Variants in ZNF385D observed in about 807,000 individuals in gnomAD.
ZNF385D encodes the protein zinc finger protein 385D.
A neutral mutation model predicts 35.8 loss-of-function variants in ZNF385D; 15 were observed. The observed-to-expected ratio is 0.42, with a 90% CI of 0.28 to 0.64. The LOEUF (loss-of-function observed/expected upper bound fraction) is 0.64. Among genes scored for constraint, ZNF385D ranks in the 30% least tolerant of loss-of-function variants. The pLI is 0.23. For missense variants in ZNF385D, 474 were observed against 494.6 expected (o/e 0.96, Z 0.39); for synonymous variants, 212 against 186.8 (o/e 1.13, Z -1.10).
chr3:21,953,300 A>G (rs630299), intron 3 of ZNF385D, among the ~76,000 whole-genome samples: 89,360 of 151,430 alleles, frequency 0.59, 26,876 homozygotes, highest in South Asian at 0.74. Context: ...ATCAAGCTCA[A>G]TAGGTAATTA....
intron 3 of ZNF385D, among the ~76,000 whole-genome samples, chr3:21,793,079 T>A (rs992900474): frequency 1.3e-5 from 2 of 152,194 alleles, no homozygotes; most frequent in Admixed American, 6.5e-5. Context: ...CTAAATGAGA[T>A]AATTTGTGAA....
rs1575111069 is a variant in ZNF385D, at chr3:21,419,069, T to C, written c.*2145A>G. The C allele has an allele frequency of 2.0e-5, 3 of 152,346 alleles. No homozygotes were observed. In the South Asian group the frequency reaches 6.2e-4, roughly 32 times the overall value. 9.4% of individuals were successfully genotyped at this position (152,346 alleles called of 1,614,324 possible). On this transcript the variant is annotated 3_prime_UTR_variant, in exon 8 of 8. Coordinates refer to ENST00000281523, the MANE Select transcript of ZNF385D (RefSeq NM_024697.3). ...AAATTTTAATGCTAATCAATATATTTAACCAGAGAAGCATGGTTTGAAATT... is the reference window on the plus strand; with the variant it reads ...AAATTTTAATGCTAATCAATATATTCAACCAGAGAAGCATGGTTTGAAATT...
rs141099517 is a variant in ZNF385D, at chr3:21,532,205, G to T, written c.277-21182C>A. On this transcript the variant is annotated intron_variant, in intron 3 of 7. Transcript: ENST00000281523. ...CCACGAGGGAAGGTTTAGAATTAGGGGAGGAAGAGCAAAAAGATGGGGAGC... is the reference window on the plus strand; with the variant it reads ...CCACGAGGGAAGGTTTAGAATTAGGTGAGGAAGAGCAAAAAGATGGGGAGC... Among the ~76,000 whole-genome samples the T allele has an allele frequency of 2.0e-5, 3 of 152,248 alleles. No individual in the cohort carries two copies. The East Asian group carries it at 5.8e-4, about 29-fold the overall frequency.
At chr3:22,043,121 T>C (rs1330396936) in intron 3 of ZNF385D, among the ~76,000 whole-genome samples, 1 of 152,138 alleles carries the variant, frequency 6.6e-6, no homozygotes, top group East Asian at 1.9e-4. Flanking sequence ...AGTCATTTGG[T>C]TTACAAACAA....
chr3:21,507,809 T>G (rs1214976664), intron 4 of ZNF385D, among the ~76,000 whole-genome samples: 2 of 152,164 alleles, frequency 1.3e-5, no homozygotes, highest in Non-Finnish European at 2.9e-5. Flanking sequence ...AACATGTAAT[T>G]GCTTTAAGAA....
intron 2 of ZNF385D, among the ~76,000 whole-genome samples, chr3:21,658,244 T>C (rs542986376): frequency 3.9e-4 from 60 of 152,166 alleles, no homozygotes; most frequent in African/African-American, 1.4e-3. Context: ...GATTTGTAAG[T>C]ACATTCTTTG....
In ZNF385D at chr3:22,271,610, G is replaced by A. The variant is rs542372729; in HGVS notation, c.106+100840C>T. Among the ~76,000 whole-genome samples, 9 of 151,784 alleles carry A rather than the reference G, an allele frequency of 5.9e-5. No homozygotes were observed. The South Asian group carries it at 1.7e-3, about 28-fold the overall frequency. On this transcript the variant is annotated intron_variant, in intron 2 of 5. Transcript: ENST00000494108. Reference sequence around the variant, plus strand: ...TCCCAGCCACACTCCATGTTCTTTTGTGTTTCCTGAAACACAACTTCATTT... The same window carrying A: ...TCCCAGCCACACTCCATGTTCTTTTATGTTTCCTGAAACACAACTTCATTT...
intron 1 of ZNF385D, among the ~76,000 whole-genome samples, chr3:21,730,506 A>T (rs1207318471): frequency 6.6e-6 from 1 of 152,242 alleles, no homozygotes. Flanking sequence ...GATGAGAAAA[A>T]AATAATAATA....
intron 3 of ZNF385D, among the ~76,000 whole-genome samples, chr3:21,837,319 G>A (rs999737543): frequency 3.3e-5 from 5 of 152,048 alleles, no homozygotes; most frequent in Non-Finnish European, 5.9e-5. Context: ...GAAGTATGGT[G>A]GGTTGTCTGC....
intron 3 of ZNF385D, among the ~76,000 whole-genome samples, chr3:21,964,904 C>G (rs150131187): frequency 6.6e-6 from 1 of 152,058 alleles, no homozygotes; most frequent in Non-Finnish European, 1.5e-5. Flanking sequence ...TGTGAAATAT[C>G]CTCAGAAGCT....
intron 2 of ZNF385D, among the ~76,000 whole-genome samples, chr3:22,342,646 A>T (rs1695478310): frequency 6.6e-6 from 1 of 152,204 alleles, no homozygotes; most frequent in African/African-American, 2.4e-5. Flanking sequence ...CTTTTTATGC[A>T]AGAAAAGGAA....
At chr3:22,052,174 A>T (rs1255082393) in intron 3 of ZNF385D, among the ~76,000 whole-genome samples, 5 of 2,510 alleles carry the variant, frequency 2.0e-3, no homozygotes, top group African/African-American at 7.1e-3. Context: ...ATAGTCCCAT[A>T]TTTCTTGGAG....
In ZNF385D at chr3:21,893,792, A is replaced by C. The variant is rs1478821865; in HGVS notation, c.326-228764T>G. ...AAAGAGATATTCCACATTTTATCAA[A>C]GCCATGGTTGTAAATTCTAGTTCCC... On this transcript the variant is annotated intron_variant, in intron 3 of 5. Coordinates refer to the ZNF385D transcript ENST00000494108. Among the ~76,000 whole-genome samples the C allele has an allele frequency of 2.0e-5, 3 of 152,324 alleles. No individual in the cohort carries two copies. The East Asian group carries it at 5.8e-4, about 29-fold the overall frequency.
rs188169826 is a variant in ZNF385D at position 21,546,444 on chromosome 3, A to G, written c.276+18130T>C. On this transcript the variant is annotated intron_variant, in intron 3 of 7. Transcript: ENST00000281523. ...AATCCCAGCAAGCCTAACTATAGCC[A>G]GCAGTTAGATGGGTATGTCACAAGA... is the stretch of plus-strand genomic sequence containing the variant. 1.2e-4 allele frequency among the ~76,000 whole-genome samples: 19 copies of G among 152,244 alleles called. No individual in the cohort carries two copies. In the East Asian group the frequency reaches 3.3e-3, roughly 26 times the overall value.
At chr3:21,855,740 T>G (rs1221003459) in intron 3 of ZNF385D, among the ~76,000 whole-genome samples, 1 of 152,056 alleles carries the variant, frequency 6.6e-6, no homozygotes, top group East Asian at 1.9e-4. Flanking sequence ...TTAAAGTAAA[T>G]TTAAAGTAAT....
At chr3:21,837,252 T>C (rs1243033864) in intron 3 of ZNF385D, among the ~76,000 whole-genome samples, 1 of 152,122 alleles carries the variant, frequency 6.6e-6, no homozygotes, top group African/African-American at 2.4e-5. Context: ...CATCAGTCCA[T>C]GTATAAAAAC....
At chr3:21,974,354 G>A (rs1703460850) in intron 3 of ZNF385D, among the ~76,000 whole-genome samples, 1 of 152,024 alleles carries the variant, frequency 6.6e-6, no homozygotes, top group Non-Finnish European at 1.5e-5. Flanking sequence ...GTGGTGCTGG[G>A]AAAACTAGAT....
intron 3 of ZNF385D, among the ~76,000 whole-genome samples, chr3:22,133,005 G>C (rs1336471307): frequency 1.3e-5 from 2 of 152,074 alleles, no homozygotes; most frequent in African/African-American, 4.8e-5. Flanking sequence ...GAAAGGGTTA[G>C]ACTAGAAAAT....
At chr3:21,638,260 C>G (rs1253044740) in intron 2 of ZNF385D, among the ~76,000 whole-genome samples, 1 of 151,924 alleles carries the variant, frequency 6.6e-6, no homozygotes, top group Non-Finnish European at 1.5e-5. Context: ...GAGAAAAGGG[C>G]CTTGACAGCA....
Sources: allele counts gnomAD v4.1 joint callset (sites outside exome capture counted in the v4.1 genomes callset), GRCh38; gene constraint gnomAD v4.1.1; transcripts MANE v1.5; gene names NCBI Gene and HGNC (gene_info 2026-07-23, HGNC 2026-07-21).